The following FHIT variants were observed in gnomAD, a reference collection of about 807,000 sequenced individuals.
FHIT encodes bis(5'-adenosyl)-triphosphatase.
A neutral mutation model predicts 17.9 loss-of-function variants in FHIT; 19 were observed. The observed-to-expected ratio is 1.06, with a 90% CI of 0.74 to 1.56. FHIT has a LOEUF of 1.56. Ranked by LOEUF, FHIT falls within the 40% of genes most tolerant of loss-of-function variation. The pLI, the probability that FHIT is intolerant of heterozygous loss-of-function variation, is 0.00. For synonymous variants in FHIT, 81 were observed against 69.7 expected (o/e 1.16, Z -0.81); for missense variants, 248 against 189.2 (o/e 1.31, Z -1.82).
chr3:61,040,533 G>GC (rs1559932137), intron 3 of FHIT, among the ~76,000 whole-genome samples: 11 of 152,264 alleles, frequency 7.2e-5, no homozygotes, highest in East Asian at 1.9e-4. Flanking sequence ...TATTGTCACT[G>GC]TTTTTTAAAA....
chr3:60,118,806 C>T (rs1347045271), intron 5 of FHIT, among the ~76,000 whole-genome samples: 1 of 142,024 alleles, frequency 7.0e-6, no homozygotes, highest in African/African-American at 2.7e-5. Flanking sequence ...CACCTGAAGT[C>T]AGGAGTTTGA....
intron 7 of FHIT, among the ~76,000 whole-genome samples, chr3:59,985,776 C>T (rs1339031921): frequency 1.3e-5 from 2 of 152,042 alleles, no homozygotes; most frequent in Non-Finnish European, 2.9e-5. Context: ...AATTGATCAC[C>T]TCTCACTTTC....
intron 2 of FHIT, among the ~76,000 whole-genome samples, chr3:61,101,025 A>C (rs776580390): frequency 6.6e-6 from 1 of 152,096 alleles, no homozygotes; most frequent in Non-Finnish European, 1.5e-5. Flanking sequence ...TTTACTCTGA[A>C]GGTAGTTTCT....
intron 5 of FHIT, among the ~76,000 whole-genome samples, chr3:60,144,803 C>A (rs1468138916): frequency 6.6e-6 from 1 of 152,074 alleles, no homozygotes; most frequent in Non-Finnish European, 1.5e-5. Context: ...ATCATAGTCA[C>A]CCTACCATGC....
At chr3:60,727,483 G>A (rs2041939952) in intron 4 of FHIT, among the ~76,000 whole-genome samples, 1 of 152,202 alleles carries the variant, frequency 6.6e-6, no homozygotes, top group South Asian at 2.1e-4. Context: ...TGACTCCACT[G>A]TGATGCTGTG....
At chr3:60,883,998 A>G (rs1205263684) in intron 3 of FHIT, among the ~76,000 whole-genome samples, 1 of 152,192 alleles carries the variant, frequency 6.6e-6, no homozygotes, top group African/African-American at 2.4e-5. Context: ...TATATAAGGA[A>G]CTCAAACAAC....
At chr3:60,799,943 T>C (rs1701128353) in intron 4 of FHIT, among the ~76,000 whole-genome samples, 1 of 152,230 alleles carries the variant, frequency 6.6e-6, no homozygotes, top group South Asian at 2.1e-4. Context: ...CTGGAAATCA[T>C]ACATACTCAA....
intron 3 of FHIT, among the ~76,000 whole-genome samples, chr3:60,923,585 A>T (rs1553768968): frequency 6.6e-6 from 1 of 152,198 alleles, no homozygotes. Flanking sequence ...AGGTGGAGCC[A>T]AGATGGCCGA....
intron 5 of FHIT, among the ~76,000 whole-genome samples, chr3:60,513,655 C>G (rs2107548317): frequency 6.6e-6 from 1 of 152,204 alleles, no homozygotes; most frequent in East Asian, 1.9e-4. Context: ...CAAGAGGGAG[C>G]TGAACAATGA....
intron 2 of FHIT, among the ~76,000 whole-genome samples, chr3:61,108,970 A>G (rs564965700): frequency 1.3e-5 from 2 of 152,342 alleles, no homozygotes; most frequent in South Asian, 4.1e-4. Context: ...GACTAAATCT[A>G]TGTGCCATCA....
chr3:60,239,977 T>C (rs1705044130), intron 5 of FHIT, among the ~76,000 whole-genome samples: 1 of 152,160 alleles, frequency 6.6e-6, no homozygotes, highest in South Asian at 2.1e-4. Flanking sequence ...AAAATAGGAA[T>C]ATTAGCAAAT....
intron 8 of FHIT, among the ~76,000 whole-genome samples, chr3:59,918,795 G>C (rs1336107251): frequency 6.6e-6 from 1 of 152,146 alleles, no homozygotes; most frequent in Non-Finnish European, 1.5e-5. Flanking sequence ...ATGCCTAACA[G>C]CATTCAAACT....
In FHIT at chr3:61,219,140, TATCTAAAC is replaced by T. The variant is rs1311862393; in HGVS notation, c.-212-18483_-212-18476del. The stretch of plus-strand genomic sequence containing the variant: ...TATAACACGATGATAAGTATTTGTG[TATCTAAAC>T]ATCTAAACATATAAAAGGTATGGTA... On this transcript the variant is annotated intron_variant, in intron 1 of 9. Coordinates refer to ENST00000492590, the MANE Select transcript of FHIT (RefSeq NM_002012.4). Among the ~76,000 whole-genome samples the T allele has an allele frequency of 4.6e-4, 70 of 152,330 alleles. 1 individual carries two copies. The highest frequency in any genetic ancestry group is 1.6e-3 in the African/African-American group (65 of 41,576).
At chr3:60,867,456 A>T (rs1704215815) in intron 3 of FHIT, among the ~76,000 whole-genome samples, 1 of 152,194 alleles carries the variant, frequency 6.6e-6, no homozygotes, top group Admixed American at 6.5e-5. Flanking sequence ...TCAAAAGAAG[A>T]TGTTATGGCT....
chr3:60,324,829 T>C (rs952077894), intron 5 of FHIT, among the ~76,000 whole-genome samples: 2 of 152,124 alleles, frequency 1.3e-5, no homozygotes, highest in African/African-American at 2.4e-5. Context: ...TACCTTGGTG[T>C]ACTGTTTTCT....
chr3:60,098,866 G>A (rs1559630512), intron 5 of FHIT, among the ~76,000 whole-genome samples: 1 of 152,300 alleles, frequency 6.6e-6, no homozygotes, highest in East Asian at 1.9e-4. Context: ...AAAGTTATAT[G>A]TAGACTTTTG....
At chr3:60,476,895 G>C (rs1353629549) in intron 5 of FHIT, among the ~76,000 whole-genome samples, 1 of 151,590 alleles carries the variant, frequency 6.6e-6, no homozygotes, top group Non-Finnish European at 1.5e-5. Context: ...AAGGGTGGGG[G>C]ATTTCTTCAC....
At chr3:60,473,993 A>G (rs530162141) in intron 5 of FHIT, among the ~76,000 whole-genome samples, 3 of 152,130 alleles carry the variant, frequency 2.0e-5, no homozygotes, top group African/African-American at 7.2e-5. Flanking sequence ...GGGGAAAGAC[A>G]CATTATTTTG....
intron 4 of FHIT, among the ~76,000 whole-genome samples, chr3:60,613,977 T>C (rs2038864521): frequency 6.6e-6 from 1 of 151,948 alleles, no homozygotes; most frequent in African/African-American, 2.4e-5. Context: ...ACTGTCAAAA[T>C]AAGCTTGGCA....
Sources: gnomAD v4.1 joint callset for allele counts (sites outside exome capture counted in the v4.1 genomes callset) on GRCh38, gnomAD v4.1.1 for gene constraint, MANE v1.5 for transcripts, NCBI Gene and HGNC (gene_info 2026-07-23, HGNC 2026-07-21) for gene names.